PDGFC: variants seen among roughly 807,000 people sequenced by gnomAD.
PDGFC encodes the protein platelet-derived growth factor C.
Under a neutral mutation model 35.5 loss-of-function variants are expected in PDGFC, and 12 were observed. The ratio of observed to expected loss-of-function variants is 0.34; its 90% confidence interval spans 0.22 to 0.55. The LOEUF (loss-of-function observed/expected upper bound fraction) is 0.55, where lower values mean the gene tolerates loss of function less well. Ranked by LOEUF, PDGFC falls within the 20% of genes least tolerant of loss-of-function variation. PDGFC has a pLI of 0.91. For missense variants in PDGFC, 322 were observed against 412.4 expected, an observed-to-expected ratio of 0.78 and a Z score of 1.90; for synonymous variants, 159 against 148.8, an observed-to-expected ratio of 1.07 and a Z score of -0.50.
intron 1 of PDGFC, among the ~76,000 whole-genome samples, chr4:156,868,820 C>G (rs1448129867): frequency 6.6e-6 from 1 of 152,148 alleles, no homozygotes; most frequent in Admixed American, 6.5e-5. Flanking sequence ...CTTCAAGATT[C>G]TATCCTCCGT....
chr4:156,881,220 C>T (rs1730233140), intron 1 of PDGFC, among the ~76,000 whole-genome samples: 1 of 152,050 alleles, frequency 6.6e-6, no homozygotes, highest in Non-Finnish European at 1.5e-5. Flanking sequence ...CCTCTAACAG[C>T]AAAAAGGTTA....
At chr4:156,829,289 A>T (rs1240148491) in intron 2 of PDGFC, among the ~76,000 whole-genome samples, 1 of 152,228 alleles carries the variant, frequency 6.6e-6, no homozygotes, top group Non-Finnish European at 1.5e-5. Context: ...TTTCTCAAGA[A>T]GCAAAACAAA....
chr4:156,771,003 T>C (rs1407965873), intron 4 of PDGFC, among the ~76,000 whole-genome samples: 5 of 152,198 alleles, frequency 3.3e-5, no homozygotes, highest in Non-Finnish European at 5.9e-5. Context: ...TATATAGATG[T>C]TATCCTACAC....
chr4:156,935,871 A>C (rs1390736886), intron 1 of PDGFC, among the ~76,000 whole-genome samples: 2 of 152,166 alleles, frequency 1.3e-5, no homozygotes, highest in Non-Finnish European at 2.9e-5. Context: ...CATGAATACA[A>C]AATTATACAA....
At chr4:156,898,780 C>G (rs1275888596) in intron 1 of PDGFC, among the ~76,000 whole-genome samples, 1 of 152,174 alleles carries the variant, frequency 6.6e-6, no homozygotes, top group Non-Finnish European at 1.5e-5. Context: ...CCTGCCTCCC[C>G]CAGAGTAGCT....
At chr4:156,812,234 A>G (rs913912855) in intron 2 of PDGFC, among the ~76,000 whole-genome samples, 1 of 152,032 alleles carries the variant, frequency 6.6e-6, no homozygotes, top group Non-Finnish European at 1.5e-5. Context: ...TTATTAGTCT[A>G]TATTTATAGC....
At chr4:156,872,256 A>C (rs1283554762) in intron 1 of PDGFC, among the ~76,000 whole-genome samples, 4 of 152,212 alleles carry the variant, frequency 2.6e-5, no homozygotes, top group Non-Finnish European at 5.9e-5. Context: ...AATTTCAAAC[A>C]ATATGGCAAA....
At chr4:156,955,533 C>T (rs1365387910) in intron 1 of PDGFC, among the ~76,000 whole-genome samples, 1 of 151,810 alleles carries the variant, frequency 6.6e-6, no homozygotes, top group African/African-American at 2.4e-5. Context: ...CAGCTATACT[C>T]AAAGCTGGGA....
At chr4:156,874,096 T>C (rs1280055403) in intron 1 of PDGFC, 4 of 152,164 alleles carry the variant, frequency 2.6e-5, no homozygotes, top group Non-Finnish European at 5.9e-5. Flanking sequence ...CTGATGGCAG[T>C]GTGGCATGGT....
chr4:156,923,970 C>T (rs1362715178), intron 1 of PDGFC, among the ~76,000 whole-genome samples: 1 of 152,090 alleles, frequency 6.6e-6, no homozygotes, highest in East Asian at 1.9e-4. Flanking sequence ...AAAAGACTGC[C>T]ACTGGGAATT....
intron 3 of PDGFC, among the ~76,000 whole-genome samples, chr4:156,798,665 C>G (rs1731514074): frequency 6.6e-6 from 1 of 152,056 alleles, no homozygotes; most frequent in African/African-American, 2.4e-5. Context: ...AGAATCTCAT[C>G]CAAAGGATGT....
chr4:156,773,972 A>C (rs186414611), intron 3 of PDGFC, among the ~76,000 whole-genome samples: 2 of 152,268 alleles, frequency 1.3e-5, no homozygotes, highest in Admixed American at 1.3e-4. Flanking sequence ...CCATACTAAA[A>C]ACATGTACTA....
intron 2 of PDGFC, among the ~76,000 whole-genome samples, chr4:156,834,623 G>C (rs368171514): frequency 4.6e-5 from 7 of 152,190 alleles, no homozygotes; most frequent in African/African-American, 1.7e-4. Context: ...AGGAGTAGGG[G>C]GTTAAATCAG....
chr4:156,829,604 C>G, intron 2 of PDGFC, among the ~76,000 whole-genome samples: 1 of 152,058 alleles, frequency 6.6e-6, no homozygotes, highest in East Asian at 1.9e-4. Flanking sequence ...ATCTAGGATT[C>G]CTACCATATC....
chr4:156,919,342 G>A (rs971121882), intron 1 of PDGFC, among the ~76,000 whole-genome samples: 3 of 152,126 alleles, frequency 2.0e-5, no homozygotes, highest in Non-Finnish European at 4.4e-5. Context: ...CTTAATCTGA[G>A]TAGAGAATTT....
intron 1 of PDGFC, among the ~76,000 whole-genome samples, chr4:156,883,736 G>T (rs1730309852): frequency 6.6e-6 from 1 of 152,042 alleles, no homozygotes; most frequent in African/African-American, 2.4e-5. Flanking sequence ...TTCTCTCAGT[G>T]TACCTTAAAG....
At chr4:156,905,890 T>A (rs923890833) in intron 1 of PDGFC, among the ~76,000 whole-genome samples, 1 of 152,170 alleles carries the variant, frequency 6.6e-6, no homozygotes, top group South Asian at 2.1e-4. Flanking sequence ...TCACATTTAA[T>A]ATACTGTAGA....
intron 2 of PDGFC, among the ~76,000 whole-genome samples, chr4:156,827,732 TAC>T (rs1728814382): frequency 6.6e-6 from 1 of 152,142 alleles, no homozygotes; most frequent in Non-Finnish European, 1.5e-5. Context: ...CGTACATACA[TAC>T]ACACACATAC....
chr4:156,767,987 A>G lies in PDGFC; in HGVS notation c.707T>C (p.Val236Ala). 6.3e-7 allele frequency: 1 copy of G among 1,584,168 alleles called. No individual in the cohort carries two copies. ...AFVFGRKSRVVDLNLLTEEVR... is the reference protein window; with the variant it reads ...AFVFGRKSRVADLNLLTEEVR... ...CTCCTCTGTTAGAAGGTTCAGATCC[A>G]CCACTATATGGTATAAAAGAAAGCA... The change falls in exon 5 of 6, where the codon GTG becomes GCG. Residue 236 changes from valine to alanine, a missense_variant. This residue lies in a region of PDGFC where 202 missense variants were observed against 295.9 expected (regional missense o/e 0.68). Coordinates refer to ENST00000502773, the MANE Select transcript of PDGFC (RefSeq NM_016205.3).
Sources: gnomAD v4.1 joint callset for allele counts (sites outside exome capture counted in the v4.1 genomes callset) on GRCh38, gnomAD v4.1.1 for gene constraint, gnomAD v4.1.1 regional missense constraint, MANE v1.5 for transcripts, NCBI Gene and HGNC (gene_info 2026-07-23, HGNC 2026-07-21) for gene names.